The following MATN2 variants were observed in gnomAD, a reference collection of about 807,000 sequenced individuals.
MATN2 encodes matrilin-2.
Under a neutral mutation model 103.2 loss-of-function variants are expected in MATN2, and 69 were observed. The ratio of observed to expected loss-of-function variants is 0.67; its 90% CI spans 0.55 to 0.82. The LOEUF (loss-of-function observed/expected upper bound fraction) is 0.82. MATN2 is among the 40% of genes least tolerant of loss of function. MATN2 has a pLI of 0.00. For synonymous variants in MATN2, 429 were observed against 450.2 expected (o/e 0.95, Z 0.60); for missense variants, 1,023 against 1,211.5 (o/e 0.84, Z 2.31).
chr8:97,914,050 G>A (rs973996351), intron 2 of MATN2, among the ~76,000 whole-genome samples: 4 of 152,200 alleles, frequency 2.6e-5, no homozygotes, highest in Non-Finnish European at 5.9e-5. Flanking sequence ...TTAAGTCCAG[G>A]GTTAGATAAC....
At chr8:97,923,759 A>G (rs1044445311) in intron 2 of MATN2, among the ~76,000 whole-genome samples, 4 of 152,008 alleles carry the variant, frequency 2.6e-5, no homozygotes, top group Non-Finnish European at 5.9e-5. Flanking sequence ...GTTTCACCAT[A>G]TTGGCCAGGC....
At chr8:98,000,596 C>CAAAAAAAAAAAAAAAAAAAAA (rs67682756) in intron 7 of MATN2, among the ~76,000 whole-genome samples, 12 of 49,662 alleles carry the variant, frequency 2.4e-4, no homozygotes, top group Admixed American at 3.9e-4. Flanking sequence ...GACTCCGTCT[C>CAAAAAAAAAAAAAAAAAAAAA]AAAAAAAAAA....
At chr8:97,911,493 G>A (rs1346042938) in intron 2 of MATN2, among the ~76,000 whole-genome samples, 1 of 151,942 alleles carries the variant, frequency 6.6e-6, no homozygotes, top group Non-Finnish European at 1.5e-5. Flanking sequence ...CGGATCACGA[G>A]GTCAAGATAT....
At chr8:97,886,782 C>G (rs921277013) in intron 1 of MATN2, among the ~76,000 whole-genome samples, 19 of 152,210 alleles carry the variant, frequency 1.2e-4, no homozygotes, top group African/African-American at 4.6e-4. Flanking sequence ...CTGTCCCTGC[C>G]TCTGACAAAG....
intron 2 of MATN2, among the ~76,000 whole-genome samples, chr8:97,928,060 C>T (rs1810050475): frequency 6.6e-6 from 1 of 152,110 alleles, no homozygotes; most frequent in African/African-American, 2.4e-5. Context: ...CATGAAGGGT[C>T]GGGCAGGTGT....
At chr8:97,887,588 C>G (rs1818479149) in intron 1 of MATN2, among the ~76,000 whole-genome samples, 1 of 152,170 alleles carries the variant, frequency 6.6e-6, no homozygotes, top group Non-Finnish European at 1.5e-5. Context: ...GACAGGGAGG[C>G]TGGGAGGCTG....
intron 4 of MATN2, among the ~76,000 whole-genome samples, chr8:97,957,197 G>T (rs568955413): frequency 6.6e-6 from 1 of 152,322 alleles, no homozygotes; most frequent in Admixed American, 6.5e-5. Flanking sequence ...CCATTCATGG[G>T]GGTCACCAGG....
At chr8:97,877,251 G>A (rs1818108916) in intron 1 of MATN2, among the ~76,000 whole-genome samples, 1 of 151,970 alleles carries the variant, frequency 6.6e-6, no homozygotes, top group Non-Finnish European at 1.5e-5. Context: ...GCCGAGGCGG[G>A]CGGATCATCT....
chr8:98,020,110 T>C (rs1044938262), intron 12 of MATN2, among the ~76,000 whole-genome samples: 3 of 152,188 alleles, frequency 2.0e-5, no homozygotes, highest in Non-Finnish European at 2.9e-5. Context: ...ATTCTGCCCA[T>C]TGTGCCTGTC....
chr8:97,960,109 A>C (rs1811258524), intron 4 of MATN2, among the ~76,000 whole-genome samples: 1 of 152,110 alleles, frequency 6.6e-6, no homozygotes, highest in African/African-American at 2.4e-5. Flanking sequence ...GGCGCGTGCC[A>C]CCACGCCAAG....
chr8:97,920,869 C>A (rs1322200396), intron 2 of MATN2, among the ~76,000 whole-genome samples: 1 of 152,112 alleles, frequency 6.6e-6, no homozygotes, highest in Non-Finnish European at 1.5e-5. Context: ...CAAGAGGAAT[C>A]CTGTGGTTGG....
At chr8:97,999,889 A>G (rs1251954075) in intron 7 of MATN2, among the ~76,000 whole-genome samples, 2 of 139,418 alleles carry the variant, frequency 1.4e-5, no homozygotes, top group African/African-American at 2.7e-5. Context: ...TTAATTTTTT[A>G]ATTTTTTTAA....
intron 2 of MATN2, among the ~76,000 whole-genome samples, chr8:97,895,415 C>T (rs1277902500): frequency 6.6e-6 from 1 of 152,202 alleles, no homozygotes; most frequent in Non-Finnish European, 1.5e-5. Context: ...TGTCCATTCT[C>T]TTCCTTCTAC....
intron 2 of MATN2, among the ~76,000 whole-genome samples, chr8:97,902,634 G>A (rs1046933574): frequency 5.9e-5 from 9 of 152,086 alleles, no homozygotes; most frequent in Non-Finnish European, 1.3e-4. Flanking sequence ...GTGTGTTGCC[G>A]GGAGAGGAGT....
intron 15 of MATN2, among the ~76,000 whole-genome samples, chr8:98,031,181 T>A (rs1223864147): frequency 6.6e-6 from 1 of 151,682 alleles, no homozygotes; most frequent in Non-Finnish European, 1.5e-5. Flanking sequence ...TGAAAAAAAA[T>A]TTAACAATTA....
At chr8:98,023,862 A>G (rs1283429448) in intron 13 of MATN2, among the ~76,000 whole-genome samples, 1 of 152,192 alleles carries the variant, frequency 6.6e-6, no homozygotes, top group Non-Finnish European at 1.5e-5. Flanking sequence ...ATGCGGCCAT[A>G]AAAAGAAATG....
intron 10 of MATN2, among the ~76,000 whole-genome samples, chr8:98,013,802 T>C (rs962768657): frequency 6.6e-5 from 10 of 152,248 alleles, no homozygotes; most frequent in African/African-American, 2.4e-4. Flanking sequence ...TACATAAAAC[T>C]ACATGCACAA....
At chr8:97,939,898 A>G (rs1337888801) in intron 3 of MATN2, among the ~76,000 whole-genome samples, 1 of 152,208 alleles carries the variant, frequency 6.6e-6, no homozygotes, top group East Asian at 1.9e-4. Flanking sequence ...ATCAACATTG[A>G]TAGAATCTGT....
At chr8:98,034,305 C>T (rs1814156703) in intron 18 of MATN2, 2 of 412,112 alleles carry the variant, frequency 4.9e-6, no homozygotes, top group Non-Finnish European at 9.8e-6. Context: ...GGATTCGGTG[C>T]TTTTACATAT....
Sources: gnomAD v4.1 joint callset for allele counts (sites outside exome capture counted in the v4.1 genomes callset) on GRCh38, gnomAD v4.1.1 for gene constraint, MANE v1.5 for transcripts, NCBI Gene and HGNC (gene_info 2026-07-23, HGNC 2026-07-21) for gene names.